The following IRF2 variants were observed in gnomAD, a reference collection of about 807,000 sequenced individuals.
IRF2 encodes interferon regulatory factor 2.
A neutral mutation model predicts 40.6 loss-of-function variants in IRF2; 15 were observed. The ratio of observed to expected loss-of-function variants is 0.37; its 90% CI spans 0.25 to 0.57. The LOEUF (loss-of-function observed/expected upper bound fraction) is 0.57, where lower values mean the gene tolerates loss of function less well. Ranked by LOEUF, IRF2 falls within the 20% of genes least tolerant of loss-of-function variation. IRF2 has a pLI of 0.77. For missense variants in IRF2, 317 were observed against 455.7 expected (o/e 0.70, Z 2.77); for synonymous variants, 151 against 165.5 (o/e 0.91, Z 0.67).
rs570193496 is a variant in IRF2, at chr4:184,401,762, C to T, written c.530-2683G>A. 8.2e-4 allele frequency among the ~76,000 whole-genome samples: 125 copies of T among 152,222 alleles called. 1 individual carries two copies. In the South Asian group the frequency reaches 0.019, roughly 23 times the overall value. ...GGTGTGAGAGTTTGAGGAGGGAGGG[C>T]GCAGCGATACCTTGCATACTAAGGC... is the stretch of plus-strand genomic sequence containing the variant. On this transcript the variant is annotated intron_variant, in intron 6 of 8. Transcript: ENST00000393593.
intron 1 of IRF2, among the ~76,000 whole-genome samples, chr4:184,473,095 C>T (rs1254926059): frequency 3.3e-5 from 5 of 152,138 alleles, no homozygotes; most frequent in South Asian, 4.1e-4. Context: ...TTGGCCGCGG[C>T]CGGCTTCACT....
chr4:184,397,224 T>C (rs1355879369), intron 7 of IRF2, among the ~76,000 whole-genome samples: 2 of 152,104 alleles, frequency 1.3e-5, no homozygotes, highest in Admixed American at 6.5e-5. Context: ...CTATGCTAAG[T>C]GAAATAAGCC....
rs1736139688 is a variant in IRF2 at position 184,388,671 on chromosome 4, T to C, written c.*87A>G. The stretch of plus-strand genomic sequence containing the variant: ...CTTTTTCCCTTAGATTTGTCTAAAA[T>C]AGGTGTCAGAGAGAAAAAAATAAAA... On this transcript the variant is annotated 3_prime_UTR_variant, in exon 9 of 9. Transcript: ENST00000393593. The surrounding 1 kb of genome is among the most constrained non-coding windows in gnomAD (Gnocchi z 4.6). The C allele has an allele frequency of 7.5e-7, 1 of 1,329,384 alleles. No individual in the cohort carries two copies. Among genetic ancestry groups the C allele is most frequent in the African/African-American group, 1.5e-5 (1 of 67,408 alleles). The allele number at this position is 1,329,384 out of a possible 1,614,324, so 82.3% of individuals were successfully genotyped here. A position where few individuals can be genotyped will look rare whatever the true frequency, so the allele number is the denominator to read the frequency against.
At chr4:184,449,934 C>A (rs1416968254) in intron 1 of IRF2, among the ~76,000 whole-genome samples, 1 of 152,122 alleles carries the variant, frequency 6.6e-6, no homozygotes, top group Non-Finnish European at 1.5e-5. Context: ...ATATAAAGAG[C>A]GACTGTTCCT....
intron 1 of IRF2, among the ~76,000 whole-genome samples, chr4:184,463,408 C>T (rs763643151): frequency 5.9e-5 from 9 of 152,216 alleles, no homozygotes; most frequent in South Asian, 2.1e-4. Context: ...TGAATTAAGA[C>T]GTGCTATAGG....
chr4:184,418,750 T>C (rs750925473), intron 3 of IRF2, 42 bp from the exon 4 acceptor site: 1 of 1,542,076 alleles, frequency 6.5e-7, no homozygotes, highest in South Asian at 1.1e-5. Flanking sequence ...GAGAAAACAT[T>C]AGATACAGAG....
intron 2 of IRF2, among the ~76,000 whole-genome samples, chr4:184,422,904 G>A (rs148609664): frequency 6.6e-5 from 10 of 152,254 alleles, no homozygotes; most frequent in Non-Finnish European, 1.0e-4. Flanking sequence ...GCATGACATC[G>A]TGAATGTCAC....
chr4:184,403,713 C>T (rs963870785), intron 6 of IRF2, among the ~76,000 whole-genome samples: 3 of 152,244 alleles, frequency 2.0e-5, no homozygotes, highest in African/African-American at 7.2e-5. Context: ...AACTGAGTTA[C>T]TGAGGGCTTT....
intron 7 of IRF2, among the ~76,000 whole-genome samples, chr4:184,396,890 C>T (rs1406970430): frequency 6.6e-6 from 1 of 152,124 alleles, no homozygotes; most frequent in Non-Finnish European, 1.5e-5. Context: ...ATCACTTGAG[C>T]CCAGGAGTTC....
Position 184,418,331 on chromosome 4 carries a change from G to A in IRF2, c.365-118C>T. On this transcript the variant is annotated intron_variant, in intron 4 of 8. Coordinates refer to ENST00000393593, the MANE Select transcript of IRF2 (RefSeq NM_002199.4). ...GAACCTGTTGCTTTAATCTGTACAT[G>A]GTCAAAATTCCACATGTATCTTTCA... is the stretch of plus-strand genomic sequence containing the variant. 3.0e-6 allele frequency: 3 copies of A among 998,988 alleles called. No homozygotes were observed. The South Asian group carries it at 4.0e-5, about 13-fold the overall frequency. 61.9% of individuals were successfully genotyped at this position (998,988 alleles called of 1,614,324 possible). A position where few individuals can be genotyped will look rare whatever the true frequency, so the allele number is the denominator to read the frequency against.
intron 7 of IRF2, among the ~76,000 whole-genome samples, chr4:184,397,531 GA>G (rs555947750): frequency 1.6e-4 from 23 of 147,150 alleles, no homozygotes; most frequent in South Asian, 8.6e-4. Context: ...TTTTAAAAGT[GA>G]AAAAAAAAAG....
intron 1 of IRF2, among the ~76,000 whole-genome samples, chr4:184,457,222 C>G (rs970598723): frequency 6.6e-6 from 1 of 152,240 alleles, no homozygotes; most frequent in Admixed American, 6.5e-5. Flanking sequence ...GGGGAATTTT[C>G]CTGGATCATC....
At position 184,388,716 on chromosome 4, in the gene IRF2, A is replaced by G. The variant is rs371757121; in HGVS notation, c.*42T>C. ...ATAAAATACAAACAAACAACAAAAC[A>G]AAGCCAAGAAGCCCCAACAACCACC... is the stretch of plus-strand genomic sequence containing the variant. On this transcript the variant is annotated 3_prime_UTR_variant, in exon 9 of 9. Coordinates refer to ENST00000393593, the MANE Select transcript of IRF2 (RefSeq NM_002199.4). This position sits in a 1 kb window ranked among gnomAD's most constrained non-coding sequence, Gnocchi z 4.6. 7.1e-6 allele frequency: 11 copies of G among 1,560,208 alleles called. No homozygotes were observed. The highest frequency in any genetic ancestry group is 1.2e-5 in the South Asian group (1 of 84,048).
At chr4:184,432,688 A>C (rs1053329063) in intron 1 of IRF2, among the ~76,000 whole-genome samples, 2 of 152,224 alleles carry the variant, frequency 1.3e-5, no homozygotes, top group Non-Finnish European at 2.9e-5. Context: ...TTATAAGAAG[A>C]GGGAAGTGTG....
chr4:184,417,768 G>A (rs1214431804), intron 5 of IRF2, among the ~76,000 whole-genome samples: 1 of 152,184 alleles, frequency 6.6e-6, no homozygotes, highest in African/African-American at 2.4e-5. Context: ...TTCATACATT[G>A]TATAGAGGTC....
At chr4:184,460,162 G>A (rs186503469) in intron 1 of IRF2, among the ~76,000 whole-genome samples, 2 of 152,338 alleles carry the variant, frequency 1.3e-5, no homozygotes, top group Admixed American at 6.5e-5. Flanking sequence ...GAGGAATGAA[G>A]CTCTGATGCA....
chr4:184,394,560 A>G (rs1319163744), intron 7 of IRF2, among the ~76,000 whole-genome samples: 1 of 152,198 alleles, frequency 6.6e-6, no homozygotes, highest in African/African-American at 2.4e-5. Context: ...GCTCTGCCCA[A>G]CAAAATGCAA....
At chr4:184,415,285 T>C (rs1737226489) in intron 5 of IRF2, among the ~76,000 whole-genome samples, 1 of 152,244 alleles carries the variant, frequency 6.6e-6, no homozygotes, top group African/African-American at 2.4e-5. Context: ...GTATGAATCA[T>C]ATCTTCACGG....
At chr4:184,430,860 ATTT>A (rs368521339) in intron 1 of IRF2, among the ~76,000 whole-genome samples, 2 of 150,890 alleles carry the variant, frequency 1.3e-5, no homozygotes, top group Admixed American at 1.3e-4. Flanking sequence ...ACGCCCAGCT[ATTT>A]TTTTTTATTT....
Sources: allele counts gnomAD v4.1 joint callset (sites outside exome capture counted in the v4.1 genomes callset), GRCh38; gene constraint gnomAD v4.1.1; non-coding constraint Gnocchi (gnomAD v3.1); transcripts MANE v1.5; gene names NCBI Gene and HGNC (gene_info 2026-07-23, HGNC 2026-07-21).